TENM4: variants seen among roughly 807,000 people sequenced by gnomAD.
TENM4 encodes the protein teneurin transmembrane protein 4.
A neutral mutation model predicts 243.3 loss-of-function variants in TENM4; 82 were observed. That is an observed-to-expected ratio of 0.34 (90% confidence interval 0.28 to 0.40). The LOEUF (loss-of-function observed/expected upper bound fraction) is 0.40, where lower values mean the gene tolerates loss of function less well. TENM4 is among the 10% of genes least tolerant of loss of function. The pLI is 1.00. For synonymous variants in TENM4, 1,412 were observed against 1,456.3 expected, an observed-to-expected ratio of 0.97 and a Z score of 0.69; for missense variants, 3,138 against 3,673.3, an observed-to-expected ratio of 0.85 and a Z score of 3.77.
chr11:79,028,371 G>A (rs1336963650), intron 6 of TENM4, among the ~76,000 whole-genome samples: 1 of 152,202 alleles, frequency 6.6e-6, no homozygotes, highest in East Asian at 1.9e-4. Context: ...CTGGCAGGAG[G>A]CTTCTTGCTC....
At chr11:79,077,131 C>T (rs1032014386) in intron 4 of TENM4, among the ~76,000 whole-genome samples, 1 of 152,204 alleles carries the variant, frequency 6.6e-6, no homozygotes, top group Non-Finnish European at 1.5e-5. Flanking sequence ...ATAGGAGACT[C>T]CCTTCTTCTC....
At chr11:79,394,864 G>A (rs751680491) in intron 1 of TENM4, among the ~76,000 whole-genome samples, 14 of 152,080 alleles carry the variant, frequency 9.2e-5, no homozygotes, top group African/African-American at 2.9e-4. Flanking sequence ...ATGTGAGGGC[G>A]GAGGCAGAGA....
chr11:79,136,958 A>C (rs772529024), intron 4 of TENM4, among the ~76,000 whole-genome samples: 13 of 152,106 alleles, frequency 8.5e-5, no homozygotes, highest in Non-Finnish European at 1.6e-4. Context: ...AGTTCTGCAG[A>C]AGGCCGTGTA....
chr11:79,300,829 G>T (rs1856538767), intron 1 of TENM4, among the ~76,000 whole-genome samples: 1 of 152,158 alleles, frequency 6.6e-6, no homozygotes. Context: ...CTTTTACCCT[G>T]ATTATTTTTA....
chr11:79,242,745 T>G (rs1013926252), intron 2 of TENM4, among the ~76,000 whole-genome samples: 1 of 152,240 alleles, frequency 6.6e-6, no homozygotes, highest in Non-Finnish European at 1.5e-5. Flanking sequence ...AAAGCTATAG[T>G]GAACACCCGT....
chr11:78,859,036 T>C (rs1403567016), intron 10 of TENM4, among the ~76,000 whole-genome samples: 1 of 152,146 alleles, frequency 6.6e-6, no homozygotes, highest in Non-Finnish European at 1.5e-5. Context: ...ATCAAATTGA[T>C]GAATGATTAA....
chr11:78,868,387 G>GA (rs1243169842), intron 9 of TENM4, among the ~76,000 whole-genome samples: 2 of 152,182 alleles, frequency 1.3e-5, no homozygotes, highest in African/African-American at 4.8e-5. Flanking sequence ...AAGGAGTTCA[G>GA]AAAAAGGCTG....
intron 2 of TENM4, among the ~76,000 whole-genome samples, chr11:79,291,324 G>A (rs1198501056): frequency 6.6e-6 from 1 of 152,122 alleles, no homozygotes; most frequent in Non-Finnish European, 1.5e-5. Flanking sequence ...GGAACAGCAC[G>A]GTTTTCCTCT....
intron 1 of TENM4, among the ~76,000 whole-genome samples, chr11:79,341,855 G>T (rs1857247524): frequency 1.3e-5 from 2 of 152,198 alleles, no homozygotes. Flanking sequence ...TAAAGTAGGA[G>T]TCCAGGACTT....
At chr11:78,901,807 C>T (rs1855934535) in intron 7 of TENM4, among the ~76,000 whole-genome samples, 1 of 152,170 alleles carries the variant, frequency 6.6e-6, no homozygotes, top group Admixed American at 6.5e-5. Context: ...TTAAAGGATG[C>T]CAACAGAAAT....
intron 32 of TENM4, among the ~76,000 whole-genome samples, chr11:78,663,178 T>C (rs1051631327): frequency 6.6e-6 from 1 of 152,202 alleles, no homozygotes; most frequent in Admixed American, 6.5e-5. Flanking sequence ...CAGGAAGGCA[T>C]AGCTGAAGAT....
At chr11:79,069,239 A>T (rs1591258717) in intron 5 of TENM4, among the ~76,000 whole-genome samples, 2 of 152,322 alleles carry the variant, frequency 1.3e-5, no homozygotes, top group Non-Finnish European at 1.5e-5. Flanking sequence ...ACAGGGCTTG[A>T]CACAAAGAAA....
At chr11:79,361,852 C>T (rs577347770) in intron 1 of TENM4, among the ~76,000 whole-genome samples, 1 of 152,042 alleles carries the variant, frequency 6.6e-6, no homozygotes, top group Non-Finnish European at 1.5e-5. Context: ...AAAGAATAGA[C>T]TATTCAGTAA....
intron 11 of TENM4, 99 bp from the exon 12 acceptor site, chr11:78,854,413 A>C: frequency 1.7e-6 from 2 of 1,175,216 alleles, no homozygotes; most frequent in Non-Finnish European, 1.1e-6. Flanking sequence ...GGAAACACAA[A>C]TAGAGGCAAA....
At chr11:79,412,411 C>T (rs1253608161) in intron 1 of TENM4, among the ~76,000 whole-genome samples, 2 of 152,142 alleles carry the variant, frequency 1.3e-5, no homozygotes, top group Non-Finnish European at 2.9e-5. Context: ...CAAGTGATTT[C>T]CCTGACTTTG....
intron 1 of TENM4, among the ~76,000 whole-genome samples, chr11:79,384,797 G>C (rs1053980433): frequency 6.6e-6 from 1 of 151,812 alleles, no homozygotes; most frequent in African/African-American, 2.4e-5. Flanking sequence ...GTAGTGGCAG[G>C]TGCCTATAAT....
At chr11:79,141,661 A>G (rs894548877) in intron 4 of TENM4, among the ~76,000 whole-genome samples, 2 of 152,112 alleles carry the variant, frequency 1.3e-5, no homozygotes, top group African/African-American at 4.8e-5. Context: ...TTACCCTGAT[A>G]CCCAAGCCAG....
At chr11:79,046,464 C>G (rs1287284424) in intron 6 of TENM4, among the ~76,000 whole-genome samples, 2 of 151,266 alleles carry the variant, frequency 1.3e-5, no homozygotes, top group Non-Finnish European at 2.9e-5. Flanking sequence ...AAAAAAACGA[C>G]AAGTTGAAGT....
intron 6 of TENM4, among the ~76,000 whole-genome samples, chr11:79,051,253 A>C (rs766317120): frequency 2.7e-5 from 4 of 149,658 alleles, no homozygotes; most frequent in Non-Finnish European, 5.9e-5. Flanking sequence ...ACTGTGAGAG[A>C]GATACCAGAA....
Sources: allele counts gnomAD v4.1 joint callset (sites outside exome capture counted in the v4.1 genomes callset), GRCh38; gene constraint gnomAD v4.1.1; transcripts MANE v1.5; gene names NCBI Gene and HGNC (gene_info 2026-07-23, HGNC 2026-07-21).